Variants in STAG1 observed in about 807,000 individuals in gnomAD.
STAG1 encodes STAG1 cohesin complex component.
Under a neutral mutation model 170.9 loss-of-function variants are expected in STAG1, and 26 were observed. That is an observed-to-expected ratio of 0.15 (90% confidence interval 0.11 to 0.21). STAG1 has a LOEUF of 0.21. Among genes scored for constraint, STAG1 ranks in the 10% least tolerant of loss-of-function variants. The probability of loss-of-function intolerance (pLI) is 1.00; values close to 1 mark genes in which losing one functional copy is unlikely to be tolerated. For missense variants in STAG1, 964 were observed against 1,509.5 expected (o/e 0.64, Z 5.99); for synonymous variants, 514 against 497.7 (o/e 1.03, Z -0.44).
At chr3:136,749,211 C>A (rs919655062) in intron 1 of STAG1, among the ~76,000 whole-genome samples, 1 of 152,106 alleles carries the variant, frequency 6.6e-6, no homozygotes, top group Non-Finnish European at 1.5e-5. Context: ...ACCACAAGGG[C>A]CTCAGAGCTT....
At chr3:136,691,511 T>C (rs988980568) in intron 1 of STAG1, among the ~76,000 whole-genome samples, 9 of 152,114 alleles carry the variant, frequency 5.9e-5, no homozygotes, top group Admixed American at 4.6e-4. Context: ...AGAGCCTCAC[T>C]TGAGCCTTAA....
intron 6 of STAG1, among the ~76,000 whole-genome samples, chr3:136,528,183 G>A (rs1325734235): frequency 1.3e-5 from 2 of 152,160 alleles, no homozygotes; most frequent in Non-Finnish European, 2.9e-5. Context: ...GCCCCAGGGT[G>A]GAGTCTACAG....
chr3:136,431,853 T>A (rs1297193171), intron 16 of STAG1, among the ~76,000 whole-genome samples: 1 of 152,244 alleles, frequency 6.6e-6, no homozygotes, highest in Non-Finnish European at 1.5e-5. Flanking sequence ...TTTGTCTTTG[T>A]CTTTTAACAA....
chr3:136,521,438 A>G, intron 6 of STAG1, 21 bp from the exon 7 acceptor site: 1 of 1,603,676 alleles, frequency 6.2e-7, no homozygotes, highest in Non-Finnish European at 8.5e-7. Flanking sequence ...GAAAAAGAAC[A>G]TATTAAGTAT....
intron 1 of STAG1, among the ~76,000 whole-genome samples, chr3:136,653,552 C>A (rs1941284427): frequency 6.6e-6 from 1 of 152,082 alleles, no homozygotes; most frequent in South Asian, 2.1e-4. Flanking sequence ...AAACACTATA[C>A]ACATATTTAC....
chr3:136,710,360 T>A (rs995034967), intron 1 of STAG1, among the ~76,000 whole-genome samples: 1 of 152,214 alleles, frequency 6.6e-6, no homozygotes, highest in African/African-American at 2.4e-5. Flanking sequence ...CTCTTCTCCA[T>A]GCTATTTCAT....
intron 1 of STAG1, among the ~76,000 whole-genome samples, chr3:136,702,095 G>T (rs1349077578): frequency 2.0e-5 from 2 of 98,908 alleles, no homozygotes; most frequent in Non-Finnish European, 4.0e-5. Context: ...GAGAGAGAGA[G>T]AGAGAGAGAG....
intron 14 of STAG1, among the ~76,000 whole-genome samples, chr3:136,444,482 G>T (rs746703125): frequency 6.6e-6 from 1 of 152,128 alleles, no homozygotes; most frequent in Non-Finnish European, 1.5e-5. Flanking sequence ...TAATATAAAA[G>T]ATCTTCCACT....
At chr3:136,380,355 C>G (rs1016247652) in intron 22 of STAG1, among the ~76,000 whole-genome samples, 5 of 151,982 alleles carry the variant, frequency 3.3e-5, no homozygotes, top group Non-Finnish European at 7.4e-5. Flanking sequence ...AATTCTGCTG[C>G]CTCAGCCTCC....
intron 9 of STAG1, among the ~76,000 whole-genome samples, chr3:136,499,279 G>A (rs1377018372): frequency 6.6e-6 from 1 of 152,118 alleles, no homozygotes; most frequent in African/African-American, 2.4e-5. Context: ...TTGACCCTCT[G>A]GTTCAGGCAA....
intron 1 of STAG1, among the ~76,000 whole-genome samples, chr3:136,680,494 C>T (rs1455297055): frequency 6.6e-6 from 1 of 151,788 alleles, no homozygotes; most frequent in East Asian, 1.9e-4. Context: ...ATACGTAATA[C>T]TATTTACAAG....
At chr3:136,658,392 T>G (rs1941464884) in intron 1 of STAG1, among the ~76,000 whole-genome samples, 1 of 151,812 alleles carries the variant, frequency 6.6e-6, no homozygotes, top group Non-Finnish European at 1.5e-5. Flanking sequence ...AATAGGAAAT[T>G]TAAAAAAAAA....
chr3:136,498,844 C>T (rs895494275), intron 9 of STAG1, among the ~76,000 whole-genome samples: 3 of 152,076 alleles, frequency 2.0e-5, no homozygotes, highest in African/African-American at 7.2e-5. Flanking sequence ...ACATAAAAGC[C>T]CTGGACCTAT....
intron 23 of STAG1, among the ~76,000 whole-genome samples, chr3:136,374,973 GTAT>G (rs890672582): frequency 5.3e-5 from 8 of 151,968 alleles, no homozygotes; most frequent in African/African-American, 1.9e-4. Context: ...AATACCAGTT[GTAT>G]TATAATTATC....
At chr3:136,504,634 T>C (rs1933662729) in intron 7 of STAG1, among the ~76,000 whole-genome samples, 1 of 152,218 alleles carries the variant, frequency 6.6e-6, no homozygotes, top group African/African-American at 2.4e-5. Context: ...GTGTTTGTTA[T>C]GAGCATATGA....
chr3:136,343,802 T>C (rs1674182546), intron 30 of STAG1, 30 bp downstream of exon 30: 1 of 1,494,020 alleles, frequency 6.7e-7, no homozygotes, highest in African/African-American at 1.4e-5. Flanking sequence ...TAAAGGCTTT[T>C]TGTGAAAAAG....
intron 3 of STAG1, among the ~76,000 whole-genome samples, chr3:136,615,424 CAAAAAAAAAAAAAAAAAAA>C (rs35713077): frequency 3.0e-5 from 1 of 33,252 alleles, no homozygotes; most frequent in African/African-American, 1.1e-4. Flanking sequence ...AGACTTTGTC[CAAAAAAAAAAAAAAAAAAA>C]AAAAAAAAGG....
chr3:136,414,216 C>A (rs1318903951), intron 21 of STAG1, among the ~76,000 whole-genome samples: 1 of 151,600 alleles, frequency 6.6e-6, no homozygotes, highest in African/African-American at 2.4e-5. Context: ...TAAAAGATTT[C>A]TCTGTAGCAT....
chr3:136,747,773 CGTAATTTTTT>C (rs1272507149), intron 1 of STAG1, among the ~76,000 whole-genome samples: 1 of 151,318 alleles, frequency 6.6e-6, no homozygotes, highest in Non-Finnish European at 1.5e-5. Context: ...GCAAGAATTA[CGTAATTTTTT>C]TTTTTTTTTT....
Sources: allele counts gnomAD v4.1 joint callset (sites outside exome capture counted in the v4.1 genomes callset), GRCh38; gene constraint gnomAD v4.1.1; transcripts MANE v1.5; gene names NCBI Gene and HGNC (gene_info 2026-07-23, HGNC 2026-07-21).